Variants in CORIN observed in about 807,000 individuals in gnomAD.
The protein encoded by CORIN is atrial natriuretic peptide-converting enzyme.
Under a neutral mutation model 125.3 loss-of-function variants are expected in CORIN, and 117 were observed. That is an observed-to-expected ratio of 0.93 (90% confidence interval 0.80 to 1.09). The LOEUF is 1.09. Among genes scored for constraint, CORIN ranks in the 50% least tolerant of loss-of-function variants. CORIN has a pLI of 0.00. For missense variants in CORIN, 1,253 were observed against 1,306.7 expected (o/e 0.96, Z 0.63); for synonymous variants, 450 against 466.4 (o/e 0.96, Z 0.45).
chr4:47,678,022 T>C lies in CORIN; in HGVS notation c.1165A>G (p.Asn389Asp). ...CHSQGLVECR[N>D]GQCIPSTFQC... is the part of the protein sequence containing the mutation. ...AACGTGCTGGGGATACATTGTCCAT[T>C]TCTGCATTCCACCAGACCCTGGCTG... Residue 389 changes from asparagine to aspartate, a missense_variant, in exon 9 of 22, where the codon AAT becomes GAT. By Grantham distance (23) the Asn-to-Asp change is conservative. Transcript: ENST00000273857. 1 of 1,614,024 alleles carries C rather than the reference T, an allele frequency of 6.2e-7. No homozygotes were observed. The highest frequency in any genetic ancestry group is 8.5e-7 in the Non-Finnish European group (1 of 1,179,914).
intron 1 of CORIN, among the ~76,000 whole-genome samples, chr4:47,834,065 A>G (rs1231237047): frequency 6.6e-6 from 1 of 152,206 alleles, no homozygotes; most frequent in Non-Finnish European, 1.5e-5. Context: ...TAGAACTAAC[A>G]TATGATCCCA....
intron 4 of CORIN, among the ~76,000 whole-genome samples, chr4:47,755,979 T>C (rs1291980846): frequency 6.6e-6 from 1 of 152,204 alleles, no homozygotes; most frequent in Non-Finnish European, 1.5e-5. Flanking sequence ...TGTTGGGCAG[T>C]GTTCTGAACA....
chr4:47,617,653 T>C (rs1266851390), intron 19 of CORIN, among the ~76,000 whole-genome samples: 4 of 152,246 alleles, frequency 2.6e-5, no homozygotes, highest in Admixed American at 1.3e-4. Context: ...AAAATTTTTC[T>C]TTTAGTGGAC....
At chr4:47,716,149 A>C (rs1727078072) in intron 5 of CORIN, among the ~76,000 whole-genome samples, 1 of 152,246 alleles carries the variant, frequency 6.6e-6, no homozygotes, top group Non-Finnish European at 1.5e-5. Context: ...TGGAGGCACT[A>C]AAGAGTAACA....
intron 13 of CORIN, among the ~76,000 whole-genome samples, chr4:47,653,022 TTCC>T (rs1271836410): frequency 6.6e-6 from 1 of 152,202 alleles, no homozygotes; most frequent in Non-Finnish European, 1.5e-5. Context: ...AAGTTTCAGT[TTCC>T]ACAGTTTCAG....
Position 47,759,031 on chromosome 4 carries a change from G to A in CORIN, c.617+4348C>T, listed in dbSNP as rs1215168928. Among the ~76,000 whole-genome samples, 7 of 152,182 alleles carry A rather than the reference G, an allele frequency of 4.6e-5. No individual in the cohort carries two copies. The East Asian group carries it at 1.3e-3, about 29-fold the overall frequency. On this transcript the variant is annotated intron_variant, in intron 4 of 21. Coordinates refer to ENST00000273857, the MANE Select transcript of CORIN (RefSeq NM_006587.4). ...ACATAGACCAATGGAATGGAACCAA[G>A]ATCCAATAAATAAATCCATGCCTTT...
intron 10 of CORIN, among the ~76,000 whole-genome samples, chr4:47,665,632 C>T (rs1391886175): frequency 6.6e-6 from 1 of 152,098 alleles, no homozygotes; most frequent in African/African-American, 2.4e-5. Flanking sequence ...ATAGGATAGC[C>T]CCATCATCTT....
chr4:47,623,566 C>G lies in CORIN; in HGVS notation c.2540+5G>C. ...GCAAAGGAAAAAAGGAAAGGTGCAG[C>G]TTACCCCTCGAAGCAGTGGGCAACT... On this transcript the variant is annotated splice_donor_5th_base_variant and intron_variant, in intron 19 of 21. Coordinates refer to ENST00000273857, the MANE Select transcript of CORIN (RefSeq NM_006587.4). 1.2e-6 allele frequency: 2 copies of G among 1,613,660 alleles called. No individual in the cohort carries two copies. Among genetic ancestry groups the G allele is most frequent in the Non-Finnish European group, 1.7e-6 (2 of 1,179,758 alleles).
rs16860619 is a variant in CORIN, at chr4:47,704,473, C to T, written c.800-11390G>A. On this transcript the variant is annotated intron_variant, in intron 5 of 21. Coordinates refer to ENST00000273857, the MANE Select transcript of CORIN (RefSeq NM_006587.4). ...TAGCCATCCAATCAAGGAGACAGAA[C>T]GAGCCAGGGCAATAAGGGGTAAGAG... Among the ~76,000 whole-genome samples the T allele has an allele frequency of 5.2e-3, 787 of 152,058 alleles. 7 individuals carry two copies. The highest frequency in any genetic ancestry group is 0.018 in the African/African-American group (735 of 41,466).
intron 5 of CORIN, among the ~76,000 whole-genome samples, chr4:47,743,711 CAT>C (rs1728525370): frequency 6.6e-6 from 1 of 152,104 alleles, no homozygotes; most frequent in Admixed American, 6.5e-5. Context: ...ATGGCGAAAC[CAT>C]GTCTCTACTA....
At chr4:47,597,056 T>C (rs981279747) in intron 21 of CORIN, among the ~76,000 whole-genome samples, 5 of 152,028 alleles carry the variant, frequency 3.3e-5, no homozygotes, top group Admixed American at 2.6e-4. Context: ...ATTATTGCTA[T>C]GAAAGAGAAA....
At chr4:47,751,859 T>C (rs371289379) in intron 4 of CORIN, among the ~76,000 whole-genome samples, 4 of 152,194 alleles carry the variant, frequency 2.6e-5, no homozygotes, top group South Asian at 2.1e-4. Context: ...AAGGAATAAA[T>C]TGATAATTTT....
At chr4:47,697,084 C>T (rs1261445155) in intron 5 of CORIN, among the ~76,000 whole-genome samples, 6 of 152,110 alleles carry the variant, frequency 3.9e-5, no homozygotes. Context: ...CCATGCTGCT[C>T]GAAATCAAGT....
chr4:47,810,457 G>A (rs1388492760), intron 1 of CORIN, among the ~76,000 whole-genome samples: 2 of 152,054 alleles, frequency 1.3e-5, no homozygotes, highest in African/African-American at 4.8e-5. Context: ...ATGTTCTTAT[G>A]TTTTACTAAT....
In CORIN at chr4:47,784,987, T is replaced by C. The variant is rs144777729; in HGVS notation, c.409+1738A>G. 2.0e-5 allele frequency among the ~76,000 whole-genome samples: 3 copies of C among 152,308 alleles called. No homozygotes were observed. In the East Asian group the frequency reaches 5.8e-4, roughly 29 times the overall value. On this transcript the variant is annotated intron_variant, in intron 3 of 21. Coordinates refer to ENST00000273857, the MANE Select transcript of CORIN (RefSeq NM_006587.4). ...CTCAAACACTGGCAAACATATACTA[T>C]GATAGCTAAAAGTCAACTTAATCCT...
At chr4:47,643,490 G>A (rs1279547114) in intron 14 of CORIN, among the ~76,000 whole-genome samples, 1 of 152,142 alleles carries the variant, frequency 6.6e-6, no homozygotes, top group African/African-American at 2.4e-5. Context: ...GTGACTCAAT[G>A]TTCTGGTTCT....
chr4:47,607,803 C>T (rs914004976), intron 19 of CORIN, among the ~76,000 whole-genome samples: 2 of 151,996 alleles, frequency 1.3e-5, no homozygotes, highest in East Asian at 1.9e-4. Context: ...ACGAATTAAC[C>T]GGATGTGGTG....
At chr4:47,656,583 C>A (rs1277798853) in intron 12 of CORIN, among the ~76,000 whole-genome samples, 3 of 151,990 alleles carry the variant, frequency 2.0e-5, no homozygotes, top group African/African-American at 2.4e-5. Context: ...ATTCAACATC[C>A]CTTCCTGAAA....
chr4:47,599,919 A>G (rs1261268722), intron 21 of CORIN, among the ~76,000 whole-genome samples: 1 of 152,182 alleles, frequency 6.6e-6, no homozygotes, highest in Non-Finnish European at 1.5e-5. Context: ...TAGCCACTAA[A>G]ATGGTTGAAT....
Sources: gnomAD v4.1 joint callset for allele counts (sites outside exome capture counted in the v4.1 genomes callset) on GRCh38, gnomAD v4.1.1 for gene constraint, MANE v1.5 for transcripts, NCBI Gene and HGNC (gene_info 2026-07-23, HGNC 2026-07-21) for gene names.